SNX30: variants seen among roughly 807,000 people sequenced by gnomAD.
The protein encoded by SNX30 is sorting nexin family member 30.
In SNX30, 24 loss-of-function variants were observed where a neutral mutation model predicts 46.4. That is an observed-to-expected ratio of 0.52 (90% CI 0.37 to 0.73). The LOEUF is 0.73. SNX30 is among the 30% of genes least tolerant of loss of function. The pLI is 0.00. For synonymous variants in SNX30, 189 were observed against 211.5 expected (o/e 0.89, Z 0.92); for missense variants, 533 against 555.7 (o/e 0.96, Z 0.41).
chr9:112,881,790 A>G (rs1369734324), downstream of SNX30: 1 of 152,222 alleles, frequency 6.6e-6, no homozygotes, highest in African/African-American at 2.4e-5. Flanking sequence ...TTAAACAGCT[A>G]ATCATGAAAT....
intron 7 of SNX30, among the ~76,000 whole-genome samples, chr9:112,860,421 G>T (rs1164064123): frequency 2.0e-5 from 3 of 152,174 alleles, no homozygotes; most frequent in African/African-American, 7.2e-5. Flanking sequence ...TCCTTTCTGT[G>T]ATCTGTGGAC....
intron 6 of SNX30, among the ~76,000 whole-genome samples, chr9:112,841,672 T>C (rs1001483736): frequency 6.6e-6 from 1 of 152,222 alleles, no homozygotes; most frequent in Non-Finnish European, 1.5e-5. Context: ...AGTGATTGGA[T>C]GGCAAAGCAA....
chr9:112,807,412 A>C (rs576653833), intron 2 of SNX30, among the ~76,000 whole-genome samples: 1 of 152,132 alleles, frequency 6.6e-6, no homozygotes, highest in Non-Finnish European at 1.5e-5. Flanking sequence ...AGATATGTCT[A>C]TGTAAGTACG....
At chr9:112,856,798 T>G (rs1841137053) in intron 7 of SNX30, 1 of 152,302 alleles carries the variant, frequency 6.6e-6, no homozygotes, top group Admixed American at 6.5e-5. Flanking sequence ...CAGACCCTTC[T>G]GGCAAGTGAG....
chr9:112,843,448 C>T (rs1484566270), intron 6 of SNX30, among the ~76,000 whole-genome samples: 1 of 151,892 alleles, frequency 6.6e-6, no homozygotes, highest in South Asian at 2.1e-4. Context: ...GTGAGCTGCG[C>T]AAGGGTCGGA....
chr9:112,797,691 CTTCTT>C (rs1840128689), intron 1 of SNX30, among the ~76,000 whole-genome samples: 6 of 144,102 alleles, frequency 4.2e-5, no homozygotes, highest in Non-Finnish European at 9.0e-5. Context: ...TGCGCTCTCT[CTTCTT>C]TTCTTTTTCT....
intron 1 of SNX30, among the ~76,000 whole-genome samples, chr9:112,781,044 C>T (rs1400164036): frequency 6.6e-6 from 1 of 152,218 alleles, no homozygotes; most frequent in Non-Finnish European, 1.5e-5. Flanking sequence ...AAGTCCTTCC[C>T]TTGCTCTTTT....
chr9:112,862,264 G>A (rs1034652450), intron 7 of SNX30, among the ~76,000 whole-genome samples: 3 of 152,290 alleles, frequency 2.0e-5, no homozygotes, highest in South Asian at 2.1e-4. Flanking sequence ...TCCTCTCCAC[G>A]TGTCCTGGTG....
intron 7 of SNX30, among the ~76,000 whole-genome samples, chr9:112,853,891 T>C (rs936382079): frequency 3.3e-5 from 5 of 152,232 alleles, no homozygotes; most frequent in Admixed American, 6.5e-5. Context: ...TGTATGTAAT[T>C]TTATGTGTCA....
At chr9:112,785,584 A>C (rs1318478192) in intron 1 of SNX30, among the ~76,000 whole-genome samples, 1 of 152,040 alleles carries the variant, frequency 6.6e-6, no homozygotes, top group Non-Finnish European at 1.5e-5. Flanking sequence ...GGGTTTTGCC[A>C]TCTTGACCTG....
intron 1 of SNX30, among the ~76,000 whole-genome samples, chr9:112,781,318 A>C (rs1839843765): frequency 1.3e-5 from 2 of 152,192 alleles, no homozygotes; most frequent in African/African-American, 4.8e-5. Context: ...CTGATTTTTC[A>C]AAACCCTTAA....
At chr9:112,814,985 A>G (rs547104060) in intron 2 of SNX30, among the ~76,000 whole-genome samples, 22 of 152,372 alleles carry the variant, frequency 1.4e-4, no homozygotes, top group African/African-American at 5.3e-4. Flanking sequence ...TGCTGCAGAA[A>G]GATGTCCAAG....
chr9:112,786,188 G>T (rs186084772), intron 1 of SNX30, among the ~76,000 whole-genome samples: 11 of 150,356 alleles, frequency 7.3e-5, no homozygotes, highest in Admixed American at 7.3e-4. Context: ...CACCATCTTG[G>T]CTCACCACAG....
At chr9:112,885,375 G>C (rs2131544350), downstream of SNX30, 1 of 151,844 alleles carries the variant, frequency 6.6e-6, no homozygotes, top group African/African-American at 2.4e-5. Context: ...CAGGTCCCTT[G>C]AAAATGCAAA....
At chr9:112,855,758 G>T (rs1356597854) in intron 7 of SNX30, among the ~76,000 whole-genome samples, 2 of 152,158 alleles carry the variant, frequency 1.3e-5, no homozygotes, top group East Asian at 3.9e-4. Flanking sequence ...CCAGGCAGAT[G>T]GAGCTTTGGA....
chr9:112,767,072 G>A (rs1394146600), intron 1 of SNX30, among the ~76,000 whole-genome samples: 1 of 150,964 alleles, frequency 6.6e-6, no homozygotes. Flanking sequence ...CCTGCCAACA[G>A]TGTATACAAG....
At chr9:112,767,022 C>T (rs1474215544) in intron 1 of SNX30, among the ~76,000 whole-genome samples, 2 of 152,004 alleles carry the variant, frequency 1.3e-5, no homozygotes, top group African/African-American at 4.8e-5. Context: ...TTTGAGGACT[C>T]GTCATACTGT....
intron 7 of SNX30, among the ~76,000 whole-genome samples, chr9:112,856,532 G>A (rs978391765): frequency 2.0e-5 from 3 of 151,952 alleles, no homozygotes; most frequent in South Asian, 2.1e-4. Flanking sequence ...GACTGGGATG[G>A]AAAGGTGCAC....
chr9:112,837,910 T>G (rs1840788577), intron 5 of SNX30, among the ~76,000 whole-genome samples: 1 of 79,974 alleles, frequency 1.3e-5, no homozygotes, highest in Middle Eastern at 7.4e-3. Flanking sequence ...TTTTTTTTTT[T>G]GACGGAGTCT....
Sources: allele counts gnomAD v4.1 joint callset (sites outside exome capture counted in the v4.1 genomes callset), GRCh38; gene constraint gnomAD v4.1.1; transcripts MANE v1.5; gene names NCBI Gene and HGNC (gene_info 2026-07-23, HGNC 2026-07-21).